The following IKZF5 variants were observed in gnomAD, a reference collection of about 807,000 sequenced individuals.
IKZF5 encodes zinc finger protein Pegasus.
A neutral mutation model predicts 30.7 loss-of-function variants in IKZF5; 4 were observed. The ratio of observed to expected loss-of-function variants is 0.13; its 90% confidence interval spans 0.06 to 0.30. The LOEUF is 0.30. Ranked by LOEUF, IKZF5 falls within the 10% of genes least tolerant of loss-of-function variation. The pLI is 1.00. For missense variants in IKZF5, 348 were observed against 525.5 expected (o/e 0.66, Z 3.30); for synonymous variants, 148 against 179.6 (o/e 0.82, Z 1.41).
chr10:122,992,126 A>C lies in IKZF5; in HGVS notation c.*1654T>G, dbSNP rs1849183481. On this transcript the variant is annotated 3_prime_UTR_variant, in exon 5 of 5. Coordinates refer to ENST00000368886, the MANE Select transcript of IKZF5 (RefSeq NM_001372123.1). Reference sequence around the variant, plus strand: ...AATTTTAAAGTACAAGATTTGACAAAGAAGAGAGTTCCAGTTTGGAGAAAG... The same window carrying C: ...AATTTTAAAGTACAAGATTTGACAACGAAGAGAGTTCCAGTTTGGAGAAAG... 1.3e-5 allele frequency: 2 copies of C among 152,184 alleles called. No homozygotes were observed. Among genetic ancestry groups the C allele is most frequent in the South Asian group, 4.1e-4 (2 of 4,834 alleles). The allele number at this position is 152,184 out of a possible 1,614,324, so 9.4% of individuals were successfully genotyped here. A position where few individuals can be genotyped will look rare whatever the true frequency, so the allele number is the denominator to read the frequency against.
intron 2 of IKZF5, among the ~76,000 whole-genome samples, chr10:123,005,916 T>C (rs1469803815): frequency 6.6e-6 from 1 of 152,228 alleles, no homozygotes; most frequent in Non-Finnish European, 1.5e-5. Flanking sequence ...TCTAATCATA[T>C]CAACCAAAGA....
intron 2 of IKZF5, among the ~76,000 whole-genome samples, chr10:123,003,946 T>C (rs2133420184): frequency 6.6e-6 from 1 of 152,372 alleles, no homozygotes; most frequent in African/African-American, 2.4e-5. Flanking sequence ...AGGATTATTG[T>C]TGGCTTTTGA....
rs902449078 is a variant in IKZF5 at position 123,008,741 on chromosome 10, TCGC to T, written c.-248_-246del. On this transcript the variant is annotated 5_prime_UTR_variant, in exon 1 of 5. Transcript: ENST00000368886. ...AACCACACCGCCTTGTTAAATGCCGTCGCCGCCGCCGCCGTCTTCGTCACCGTC... is the reference window on the plus strand; with the variant it reads ...AACCACACCGCCTTGTTAAATGCCGTCGCCGCCGCCGTCTTCGTCACCGTC... 2.2e-5 allele frequency: 13 copies of T among 584,936 alleles called. No individual in the cohort carries two copies. Among genetic ancestry groups the T allele is most frequent in the Non-Finnish European group, 4.0e-5 (13 of 326,796 alleles). 36.2% of individuals were successfully genotyped at this position (584,936 alleles called of 1,614,324 possible). A position where few individuals can be genotyped will look rare whatever the true frequency, so the allele number is the denominator to read the frequency against.
At chr10:123,007,552 C>A (rs890943314) in intron 1 of IKZF5, among the ~76,000 whole-genome samples, 1 of 152,146 alleles carries the variant, frequency 6.6e-6, no homozygotes, top group African/African-American at 2.4e-5. Context: ...ATAAAAACAA[C>A]GCATAGTCCT....
Position 122,994,035 on chromosome 10 carries a change from A to G in IKZF5, c.1005T>C (p.Ser335=), listed in dbSNP as rs536303734. Reference sequence around the variant, plus strand: ...CTATGCTGGGAGTGCTCGTGTGGGCACTTGGCTCACTGCTTGGACCTGCCA... The same window carrying G: ...CTATGCTGGGAGTGCTCGTGTGGGCGCTTGGCTCACTGCTTGGACCTGCCA... The part of the protein sequence containing the change: ...SPVAGPSSEP[S]AHTSTPSIGN... The change falls in exon 5 of 5, where the codon AGT becomes AGC. Residue 335 remains serine, a synonymous_variant. Coordinates refer to ENST00000368886, the MANE Select transcript of IKZF5 (RefSeq NM_001372123.1). This position sits in a 1 kb window ranked among gnomAD's most constrained non-coding sequence, Gnocchi z 5.6. The G allele has an allele frequency of 4.3e-6, 7 of 1,613,972 alleles. No individual in the cohort carries two copies. The highest frequency in any genetic ancestry group is 5.9e-6 in the Non-Finnish European group (7 of 1,180,036).
intron 3 of IKZF5, among the ~76,000 whole-genome samples, chr10:122,998,067 T>C (rs1042735801): frequency 6.6e-6 from 1 of 152,196 alleles, no homozygotes; most frequent in African/African-American, 2.4e-5. Flanking sequence ...TTTTCATTTC[T>C]CTTCTTGGAT....
rs994512934 is a variant in IKZF5 at position 122,994,365 on chromosome 10, G to A, written c.675C>T (p.Asp225=). ...FTHEIPNIQT[D]SYESMAKTTP... The stretch of plus-strand genomic sequence containing the variant: ...TGGTTTTTGCCATACTTTCATAGGA[G>A]TCAGTCTGGATATTTGGGATTTCGT... The change falls in exon 5 of 5, where the codon GAC becomes GAT. Residue 225 remains aspartate (D), a synonymous_variant. Coordinates refer to ENST00000368886, the MANE Select transcript of IKZF5 (RefSeq NM_001372123.1). This position sits in a 1 kb window ranked among gnomAD's most constrained non-coding sequence, Gnocchi z 5.6. 1 of 1,613,966 alleles carries A rather than the reference G, an allele frequency of 6.2e-7. No individual in the cohort carries two copies. Among genetic ancestry groups the A allele is most frequent in the Non-Finnish European group, 8.5e-7 (1 of 1,180,008 alleles).
intron 3 of IKZF5, chr10:122,998,164 G>T: frequency 5.5e-6 from 1 of 181,016 alleles, no homozygotes; most frequent in Non-Finnish European, 1.1e-5. Context: ...CAGATTTCCT[G>T]ATGGCCTAAT....
Position 122,994,040 on chromosome 10 carries a change from G to C in IKZF5, c.1000C>G (p.Pro334Ala). ...YSPVAGPSSEPSAHTSTPSIG... is the reference protein window; with the variant it reads ...YSPVAGPSSEASAHTSTPSIG... ...CTGGGAGTGCTCGTGTGGGCACTTG[G>C]CTCACTGCTTGGACCTGCCACTGGA... Residue 334 changes from proline (P) to alanine (A), a missense_variant, in exon 5 of 5, where the codon CCA becomes GCA. Transcript: ENST00000368886. The surrounding 1 kb of genome is among the most constrained non-coding windows in gnomAD (Gnocchi z 5.6). 1 of 1,614,146 alleles carries C rather than the reference G, an allele frequency of 6.2e-7. No individual in the cohort carries two copies. The highest frequency in any genetic ancestry group is 8.5e-7 in the Non-Finnish European group (1 of 1,180,040).
rs1208878512 is a variant in IKZF5, at chr10:122,998,497, C to G, written c.129G>C (p.Gln43His). The G allele has an allele frequency of 6.2e-7, 1 of 1,610,638 alleles. No individual in the cohort carries two copies. Among genetic ancestry groups the G allele is most frequent in the Non-Finnish European group, 8.5e-7 (1 of 1,178,300 alleles). ...VSGDKEAEAL[Q>H]GAGTDGDQNG... ...GTAGTATTAAAATGAGTCTACCTCCCTGAAGAGCCTCTGCTTCTTTGTCCC... is the reference window on the plus strand; with the variant it reads ...GTAGTATTAAAATGAGTCTACCTCCGTGAAGAGCCTCTGCTTCTTTGTCCC... Residue 43 changes from glutamine to histidine, a missense_variant, in exon 3 of 5, where the codon CAG becomes CAC. Around this residue, in one of 4 missense-constraint regions of IKZF5, gnomAD observed 80 missense variants for 93.2 expected, o/e 0.86. Transcript: ENST00000368886.
At position 122,996,010 on chromosome 10, in the gene IKZF5, G is replaced by A. The variant is rs1436312248; in HGVS notation, c.300C>T (p.His100=). ...ASKGTARLIE[H]IRIHTGEKPH... is the part of the protein sequence containing the mutation. ...TTCCATTACCTGTGTGGATTCTGAT[G>A]TGTTCAATAAGCCGGGCTGTTCCTT... Residue 100 remains histidine (H), a synonymous_variant, in exon 4 of 5, where the codon CAC becomes CAT. Coordinates refer to ENST00000368886, the MANE Select transcript of IKZF5 (RefSeq NM_001372123.1). 1 of 1,613,782 alleles carries A rather than the reference G, an allele frequency of 6.2e-7. No homozygotes were observed. Among genetic ancestry groups the A allele is most frequent in the Admixed American group, 1.7e-5 (1 of 60,008 alleles).
At chr10:123,007,553 G>A (rs1401522290) in intron 1 of IKZF5, among the ~76,000 whole-genome samples, 1 of 152,058 alleles carries the variant, frequency 6.6e-6, no homozygotes, top group African/African-American at 2.4e-5. Flanking sequence ...TAAAAACAAC[G>A]CATAGTCCTA....
chr10:122,995,495 G>A (rs1260284934), intron 4 of IKZF5, among the ~76,000 whole-genome samples: 2 of 152,148 alleles, frequency 1.3e-5, no homozygotes, highest in African/African-American at 4.8e-5. Context: ...ATGAGCACAG[G>A]ATGCATGAAG....
chr10:122,993,660 TATAA>T lies in IKZF5; in HGVS notation c.*116_*119del, dbSNP rs113118844. Reference sequence around the variant, plus strand: ...TTATTCCACTGACAAATTTATATTCTATAAATATAATGTATAAGCCTTGAATTAG... The same window carrying T: ...TTATTCCACTGACAAATTTATATTCTATATAATGTATAAGCCTTGAATTAG... On this transcript the variant is annotated 3_prime_UTR_variant, in exon 5 of 5. Coordinates refer to ENST00000368886, the MANE Select transcript of IKZF5 (RefSeq NM_001372123.1). The T allele has an allele frequency of 2.4e-3, 1,402 of 585,398 alleles. 17 individuals are homozygous for T. The African/African-American group carries it at 0.025, about 10-fold the overall frequency. The allele number at this position is 585,398 out of a possible 1,614,324, so 36.3% of individuals were successfully genotyped here. A position where few individuals can be genotyped will look rare whatever the true frequency, so the allele number is the denominator to read the frequency against.
chr10:123,003,900 C>T (rs552681316), intron 2 of IKZF5, among the ~76,000 whole-genome samples: 2 of 152,350 alleles, frequency 1.3e-5, no homozygotes, highest in Non-Finnish European at 2.9e-5. Flanking sequence ...CTCTTTAAAT[C>T]ACTTGCTTTA....
chr10:123,001,403 G>T (rs1849580337), intron 2 of IKZF5, among the ~76,000 whole-genome samples: 1 of 152,018 alleles, frequency 6.6e-6, no homozygotes, highest in Non-Finnish European at 1.5e-5. Flanking sequence ...TTGTGTCCTA[G>T]TTAAGAAATC....
At chr10:123,001,283 G>T (rs970704447) in intron 2 of IKZF5, among the ~76,000 whole-genome samples, 16 of 152,254 alleles carry the variant, frequency 1.1e-4, no homozygotes, top group Middle Eastern at 3.4e-3. Context: ...TGGGATTACA[G>T]ACGTGAGCCA....
intron 2 of IKZF5, 132 bp downstream of exon 2, chr10:123,006,894 G>T (rs1158414562): frequency 6.6e-6 from 1 of 152,162 alleles, no homozygotes; most frequent in Non-Finnish European, 1.5e-5. Context: ...CCTGATTTCA[G>T]AACTGTCAAA....
rs1849265066 is a variant in IKZF5 at position 122,994,071 on chromosome 10, G to C, written c.969C>G (p.Asn323Lys). Residue 323 changes from asparagine (N) to lysine (K), a missense_variant, in exon 5 of 5, where the codon AAC (asparagine) becomes AAG (lysine). This residue lies in a region of IKZF5 where 176 missense variants were observed against 198.2 expected (regional missense o/e 0.89). Transcript: ENST00000368886. The surrounding 1 kb of genome is among the most constrained non-coding windows in gnomAD (Gnocchi z 5.6). ...PEPRPSHSQR[N>K]YSPVAGPSSE... ...TGCTTGGACCTGCCACTGGACTATAGTTCCTTTGACTATGGGATGGCCGAG... is the reference window on the plus strand; with the variant it reads ...TGCTTGGACCTGCCACTGGACTATACTTCCTTTGACTATGGGATGGCCGAG... The C allele has an allele frequency of 1.9e-6, 3 of 1,614,026 alleles. No homozygotes were observed. The highest frequency in any genetic ancestry group is 2.5e-6 in the Non-Finnish European group (3 of 1,180,036).
Sources: allele counts gnomAD v4.1 joint callset (sites outside exome capture counted in the v4.1 genomes callset), GRCh38; gene constraint gnomAD v4.1.1; regional missense constraint gnomAD v4.1.1; non-coding constraint Gnocchi (gnomAD v3.1); transcripts MANE v1.5; gene names NCBI Gene and HGNC (gene_info 2026-07-23, HGNC 2026-07-21).